The following PIK3R4 variants were observed in gnomAD, a reference collection of about 807,000 sequenced individuals.
The protein encoded by PIK3R4 is phosphoinositide 3-kinase regulatory subunit 4.
Under a neutral mutation model 136.5 loss-of-function variants are expected in PIK3R4, and 46 were observed. The ratio of observed to expected loss-of-function variants is 0.34; its 90% CI spans 0.27 to 0.43. The LOEUF is 0.43. Among genes scored for constraint, PIK3R4 ranks in the 20% least tolerant of loss-of-function variants. PIK3R4 has a pLI of 1.00. For missense variants in PIK3R4, 1,331 were observed against 1,649.5 expected (o/e 0.81, Z 3.35); for synonymous variants, 557 against 566.7 (o/e 0.98, Z 0.24).
chr3:130,739,838 A>T (rs1187639241), intron 2 of PIK3R4, among the ~76,000 whole-genome samples: 1 of 152,234 alleles, frequency 6.6e-6, no homozygotes, highest in Admixed American at 6.5e-5. Context: ...GTGAAAATCC[A>T]TCACCATCTA....
intron 13 of PIK3R4, among the ~76,000 whole-genome samples, chr3:130,697,528 A>AT (rs1234999106): frequency 1.3e-5 from 2 of 152,214 alleles, no homozygotes; most frequent in African/African-American, 4.8e-5. Flanking sequence ...TTGTGATTAC[A>AT]TTTATAAGTT....
At chr3:130,688,913 T>C (rs1174843719) in intron 14 of PIK3R4, among the ~76,000 whole-genome samples, 1 of 152,252 alleles carries the variant, frequency 6.6e-6, no homozygotes, top group Non-Finnish European at 1.5e-5. Flanking sequence ...TCTTATTTTA[T>C]GGACCATACT....
intron 7 of PIK3R4, among the ~76,000 whole-genome samples, chr3:130,720,438 G>A (rs751336091): frequency 2.6e-5 from 4 of 152,146 alleles, no homozygotes; most frequent in Non-Finnish European, 4.4e-5. Context: ...CAGGTGATCC[G>A]CCTGCCTTGG....
rs1040386308 is a variant in PIK3R4, at chr3:130,746,505, C to T, written c.-234G>A. On this transcript the variant is annotated 5_prime_UTR_variant, in exon 1 of 20. Coordinates refer to ENST00000356763, the MANE Select transcript of PIK3R4 (RefSeq NM_014602.3). ...GAAAAGTCCCGATCTTCAGGAACCC[C>T]GGTGGTCCTGGGAGGAGAACTGGGA... The T allele has an allele frequency of 3.9e-5, 6 of 152,110 alleles. No homozygotes were observed. The highest frequency in any genetic ancestry group is 3.3e-4 in the Admixed American group (5 of 15,258). 9.4% of individuals were successfully genotyped at this position (152,110 alleles called of 1,614,324 possible).
At position 130,733,574 on chromosome 3, in the gene PIK3R4, G is replaced by A. The variant is rs762731671; in HGVS notation, c.1424C>T (p.Ala475Val). The stretch of plus-strand genomic sequence containing the variant: ...AGCATAGGCTAGTCTAACGATAGTA[G>A]CATCATCTTGGGCTAAGTGGGCTAT... ...PGIAHLAQDD[A>V]TIVRLAYAEN... Residue 475 changes from alanine (A) to valine (V), a missense_variant, in exon 4 of 20, where the codon GCT becomes GTT. Physicochemically the swap from Ala to Val is moderately conservative, Grantham distance 64. Transcript: ENST00000356763. The A allele has an allele frequency of 2.5e-6, 4 of 1,612,204 alleles. No individual in the cohort carries two copies. In the South Asian group the frequency reaches 3.3e-5, roughly 13 times the overall value.
chr3:130,696,763 G>T (rs1559821929), intron 13 of PIK3R4, among the ~76,000 whole-genome samples: 2 of 152,108 alleles, frequency 1.3e-5, no homozygotes, highest in Non-Finnish European at 2.9e-5. Flanking sequence ...GTTAAATCTG[G>T]TTGGTTTGTA....
At chr3:130,680,955 T>G in intron 18 of PIK3R4, 22 bp downstream of exon 18, 1 of 1,196,324 alleles carries the variant, frequency 8.4e-7, no homozygotes, top group Non-Finnish European at 1.2e-6. Context: ...ATCCATTTTA[T>G]TAAAGTATTG....
Position 130,686,328 on chromosome 3 carries a change from A to G in PIK3R4, c.3358T>C (p.Ser1120Pro), listed in dbSNP as rs2066490165. Residue 1120 changes from serine to proline, a missense_variant, in exon 15 of 20, where the codon TCT becomes CCT. Ser to Pro is a moderately conservative substitution (Grantham distance 74). Transcript: ENST00000356763. ...GACCTAAGGTCCCAGCCAACCAGAG[A>G]GCCATTCACAGTGGCATAGGCAAGA... ...SVLAYATVNGSLVGWDLRSSS... is the reference protein window; with the variant it reads ...SVLAYATVNGPLVGWDLRSSS... The G allele has an allele frequency of 1.2e-6, 2 of 1,612,786 alleles. No individual in the cohort carries two copies. Among genetic ancestry groups the G allele is most frequent in the African/African-American group, 1.3e-5 (1 of 74,888 alleles).
At chr3:130,740,063 T>C (rs2066812076) in intron 2 of PIK3R4, among the ~76,000 whole-genome samples, 1 of 152,152 alleles carries the variant, frequency 6.6e-6, no homozygotes, top group Admixed American at 6.5e-5. Flanking sequence ...TCATAAAAGG[T>C]CATCATTGGG....
intron 9 of PIK3R4, among the ~76,000 whole-genome samples, chr3:130,713,832 C>G (rs1442493468): frequency 6.6e-6 from 1 of 152,132 alleles, no homozygotes; most frequent in African/African-American, 2.4e-5. Flanking sequence ...ACCACCATGC[C>G]CAGCCAATTT....
intron 11 of PIK3R4, among the ~76,000 whole-genome samples, chr3:130,706,470 T>C (rs1376247736): frequency 6.6e-6 from 1 of 152,186 alleles, no homozygotes; most frequent in Non-Finnish European, 1.5e-5. Context: ...TGAATATCAC[T>C]TTCACACCAT....
intron 14 of PIK3R4, among the ~76,000 whole-genome samples, chr3:130,689,798 G>T (rs986988306): frequency 6.6e-6 from 1 of 152,124 alleles, no homozygotes; most frequent in African/African-American, 2.4e-5. Context: ...CTGTTCACTT[G>T]TCTATTTCTT....
intron 9 of PIK3R4, among the ~76,000 whole-genome samples, chr3:130,712,136 A>T (rs1044250184): frequency 1.7e-4 from 26 of 152,330 alleles, no homozygotes; most frequent in African/African-American, 6.0e-4. Flanking sequence ...CCATATGGGT[A>T]ACGTTCCAAA....
At chr3:130,713,187 G>A (rs2066642175) in intron 9 of PIK3R4, among the ~76,000 whole-genome samples, 1 of 152,160 alleles carries the variant, frequency 6.6e-6, no homozygotes, top group African/African-American at 2.4e-5. Flanking sequence ...GTTATTTCTG[G>A]TAAGAACCTC....
At chr3:130,725,217 A>T (rs1014033689) in intron 6 of PIK3R4, among the ~76,000 whole-genome samples, 1 of 151,974 alleles carries the variant, frequency 6.6e-6, no homozygotes, top group Non-Finnish European at 1.5e-5. Context: ...GGTGATTAAA[A>T]ATATATAATA....
At position 130,728,608 on chromosome 3, in the gene PIK3R4, T is replaced by C; in HGVS notation, c.1662A>G (p.Gln554=). 1 of 1,613,060 alleles carries C rather than the reference T, an allele frequency of 6.2e-7. No homozygotes were observed. The highest frequency in any genetic ancestry group is 1.1e-5 in the South Asian group (1 of 90,940). Reference sequence around the variant, plus strand: ...GTGTTATTCCATTTTCCATCAAGGTTTGTTTTACAATATTTTCAGGGTCAC... The same window carrying C: ...GTGTTATTCCATTTTCCATCAAGGTCTGTTTTACAATATTTTCAGGGTCAC... ...LLSDPENIVK[Q]TLMENGITRL... The change falls in exon 6 of 20, where the codon CAA becomes CAG. Residue 554 remains glutamine, a synonymous_variant. Transcript: ENST00000356763.
Position 130,686,359 on chromosome 3 carries a change from C to T in PIK3R4, c.3327G>A (p.Gln1109=). ...TCACAGTGGCATAGGCAAGAACAGA[C>T]TGTGCTCCAGAGTTGAAGTGATGCA... ...VDMHHFNSGA[Q]SVLAYATVNG... Residue 1109 remains glutamine, a synonymous_variant, in exon 15 of 20, where the codon CAG becomes CAA. Transcript: ENST00000356763. The T allele has an allele frequency of 6.2e-7, 1 of 1,613,634 alleles. No individual in the cohort carries two copies. Among genetic ancestry groups the T allele is most frequent in the Non-Finnish European group, 8.5e-7 (1 of 1,179,572 alleles).
rs2066475353 is a variant in PIK3R4 at position 130,684,230 on chromosome 3, A to G, written c.3607+20T>C. 2 of 1,605,654 alleles carry G rather than the reference A, an allele frequency of 1.2e-6. No individual in the cohort carries two copies. The highest frequency in any genetic ancestry group is 3.4e-5 in the Admixed American group (2 of 59,452). On this transcript the variant is annotated intron_variant, in intron 16 of 19. Coordinates refer to ENST00000356763, the MANE Select transcript of PIK3R4 (RefSeq NM_014602.3). ...TCCAAGAAAATCTCCCAACACATGA[A>G]AGCCAGCCCTCCATCTTACCTGCAA...
Position 130,703,761 on chromosome 3 carries a change from C to A in PIK3R4, c.3060G>T (p.Trp1020Cys). The change falls in exon 13 of 20, where the codon TGG becomes TGT. Residue 1020 changes from tryptophan (W) to cysteine (C), a missense_variant. By Grantham distance (215) the Trp-to-Cys change is radical. Around this residue, in one of 2 missense-constraint regions of PIK3R4, gnomAD observed 1,180 missense variants for 1,407.0 expected, o/e 0.84. Transcript: ENST00000356763. The part of the protein sequence containing the change: ...TCSNDGTVKI[W>C]NSQKMEGKTT... ...TCTTCCCCTCCATCTTTTGACTGTT[C>A]CAGATTTTCACTGTGCCATCATTTG... is the stretch of plus-strand genomic sequence containing the variant. 1 of 1,613,430 alleles carries A rather than the reference C, an allele frequency of 6.2e-7. No homozygotes were observed. Among genetic ancestry groups the A allele is most frequent in the Non-Finnish European group, 8.5e-7 (1 of 1,179,442 alleles).
Sources: allele counts gnomAD v4.1 joint callset (sites outside exome capture counted in the v4.1 genomes callset), GRCh38; gene constraint gnomAD v4.1.1; regional missense constraint gnomAD v4.1.1; transcripts MANE v1.5; gene names NCBI Gene and HGNC (gene_info 2026-07-23, HGNC 2026-07-21).